Variants in C9orf57 observed in about 807,000 individuals in gnomAD.
C9orf57 encodes the protein uncharacterized protein C9orf57.
In C9orf57, 12 loss-of-function variants were observed where a neutral mutation model predicts 12.9. That is an observed-to-expected ratio of 0.93 (90% CI 0.60 to 1.51). The LOEUF is 1.51. Ranked by LOEUF, C9orf57 falls within the 40% of genes most tolerant of loss-of-function variation. The probability of loss-of-function intolerance (pLI) is 0.00; values close to 1 mark genes in which losing one functional copy is unlikely to be tolerated. For synonymous variants in C9orf57, 49 were observed against 57.1 expected (o/e 0.86, Z 0.64); for missense variants, 141 against 162.8 (o/e 0.87, Z 0.73).
At chr9:72,060,469 T>C in intron 1 of C9orf57, 28 bp downstream of exon 1, 3 of 1,094,968 alleles carry the variant, frequency 2.7e-6, no homozygotes, top group Non-Finnish European at 4.1e-6. Context: ...TTGGGTAAAG[T>C]ATAATATTTC....
At chr9:72,059,518 T>G in intron 1 of C9orf57, 134 bp from the exon 2 acceptor site, 1 of 1,152,504 alleles carries the variant, frequency 8.7e-7, no homozygotes, top group Non-Finnish European at 1.2e-6. Context: ...GGTACCTGTC[T>G]TTATAAAAAA....
chr9:72,060,319 A>G (rs1450750989), intron 1 of C9orf57, among the ~76,000 whole-genome samples, 178 bp downstream of exon 1: 1 of 152,246 alleles, frequency 6.6e-6, no homozygotes, highest in Non-Finnish European at 1.5e-5. Flanking sequence ...TGCTGGGATT[A>G]CAGGCGTGAG....
chr9:72,060,579 G>A lies in C9orf57; in HGVS notation c.-136C>T, dbSNP rs926946805. 1.9e-6 allele frequency: 3 copies of A among 1,540,170 alleles called. No homozygotes were observed. The highest frequency in any genetic ancestry group is 1.4e-5 in the African/African-American group (1 of 72,740). ...GATGAGAACGAGTACAATTTGTGAT[G>A]TGATGAAGTCCGTTACAACTGAAAG... is the stretch of plus-strand genomic sequence containing the variant. On this transcript the variant is annotated 5_prime_UTR_variant, in exon 1 of 5. Coordinates refer to ENST00000651200, the MANE Select transcript of C9orf57 (RefSeq NM_001128618.2).
chr9:72,060,563 G>A lies in C9orf57; in HGVS notation c.-120C>T, dbSNP rs543337024. The A allele has an allele frequency of 3.8e-5, 58 of 1,545,618 alleles. No homozygotes were observed. The highest frequency in any genetic ancestry group is 4.4e-5 in the Non-Finnish European group (50 of 1,143,422). On this transcript the variant is annotated 5_prime_UTR_variant, in exon 1 of 5. Transcript: ENST00000651200. ...TGAACTTTCTTAAAAGGATGAGAAC[G>A]AGTACAATTTGTGATGTGATGAAGT...
chr9:72,059,454 T>C lies in C9orf57; in HGVS notation c.-53-70A>G, dbSNP rs900575145. The C allele has an allele frequency of 9.6e-6, 14 of 1,461,570 alleles. No individual in the cohort carries two copies. In the African/African-American group the frequency reaches 1.7e-4, roughly 18 times the overall value. 90.5% of individuals were successfully genotyped at this position (1,461,570 alleles called of 1,614,324 possible). A position where few individuals can be genotyped will look rare whatever the true frequency, so the allele number is the denominator to read the frequency against. On this transcript the variant is annotated intron_variant, in intron 1 of 4. Transcript: ENST00000651200. ...AACGGAAAGGACTGGTTAAGTTTTA[T>C]TGATTTCATTAAGACAATATAAATA...
chr9:72,057,567 G>A (rs569305567), intron 2 of C9orf57, among the ~76,000 whole-genome samples: 17 of 152,208 alleles, frequency 1.1e-4, no homozygotes, highest in African/African-American at 3.6e-4. Flanking sequence ...GGGAAATTTC[G>A]AAGCGTATGC....
Position 72,052,248 on chromosome 9 carries a change from C to T in C9orf57, c.*48G>A. On this transcript the variant is annotated 3_prime_UTR_variant, in exon 5 of 5. Coordinates refer to ENST00000651200, the MANE Select transcript of C9orf57 (RefSeq NM_001128618.2). ...ATCATTTTGTGATAGCCAGGTCAGG[C>T]TTCGAGACTGATTGATCTGCCAAGC... 1 of 1,542,550 alleles carries T rather than the reference C, an allele frequency of 6.5e-7. No homozygotes were observed. The highest frequency in any genetic ancestry group is 2.4e-5 in the East Asian group (1 of 40,846).
rs188722460 is a variant in C9orf57 at position 72,054,837 on chromosome 9, T to G, written c.280+1237A>C. Among the ~76,000 whole-genome samples, 8 of 151,692 alleles carry G rather than the reference T, an allele frequency of 5.3e-5. No homozygotes were observed. The East Asian group carries it at 1.5e-3, about 29-fold the overall frequency. ...CCTTATCTTTTACATTTTGGAATTATCACACATTTTATAAATGTTAAACTC... is the reference window on the plus strand; with the variant it reads ...CCTTATCTTTTACATTTTGGAATTAGCACACATTTTATAAATGTTAAACTC... On this transcript the variant is annotated intron_variant, in intron 4 of 4. Coordinates refer to ENST00000651200, the MANE Select transcript of C9orf57 (RefSeq NM_001128618.2).
intron 4 of C9orf57, among the ~76,000 whole-genome samples, chr9:72,053,517 G>A (rs976847028): frequency 6.6e-6 from 1 of 152,142 alleles, no homozygotes; most frequent in Non-Finnish European, 1.5e-5. Context: ...CTGGCTAGAT[G>A]ACTCTCTGGC....
At chr9:72,053,481 A>G (rs1024356945) in intron 4 of C9orf57, among the ~76,000 whole-genome samples, 4 of 152,142 alleles carry the variant, frequency 2.6e-5, no homozygotes, top group African/African-American at 9.7e-5. Context: ...TACATAGAGT[A>G]TTTTAATCCT....
At position 72,056,135 on chromosome 9, in the gene C9orf57, TA is replaced by T. The variant is rs747091964; in HGVS notation, c.218del (p.Leu73Ter). On this transcript the variant is annotated frameshift_variant, in exon 4 of 5. Transcript: ENST00000651200. LOFTEE classifies it high-confidence loss of function. ...NLSLPFHGCL[L>X]DLGTCQAEPG... The stretch of plus-strand genomic sequence containing the variant: ...GTTCTGCCTGGCAGGTTCCCAGGTC[TA>T]AAAGACATCCATGGAAGGGCAGTGA... The T allele has an allele frequency of 2.1e-5, 32 of 1,551,066 alleles. No homozygotes were observed. In the East Asian group the frequency reaches 7.1e-4, roughly 34 times the overall value.
chr9:72,052,098 C>A lies in C9orf57; in HGVS notation c.*198G>T. 1 of 545,366 alleles carries A rather than the reference C, an allele frequency of 1.8e-6. No homozygotes were observed. The highest frequency in any genetic ancestry group is 2.5e-5 in the South Asian group (1 of 39,362). 33.8% of individuals were successfully genotyped at this position (545,366 alleles called of 1,614,324 possible). On this transcript the variant is annotated 3_prime_UTR_variant, in exon 5 of 5. Coordinates refer to ENST00000651200, the MANE Select transcript of C9orf57 (RefSeq NM_001128618.2). ...AGAAATGGTGTTGAAAGGGCTATTT[C>A]TCAGATGAGTTGGAGGTGGTGGGGG...
At chr9:72,056,307 T>C (rs984516978) in intron 3 of C9orf57, 111 bp from the exon 4 acceptor site, 16 of 455,124 alleles carry the variant, frequency 3.5e-5, no homozygotes, top group Non-Finnish European at 5.3e-5. Flanking sequence ...TTTATATATA[T>C]ATATTTATGT....
rs556767413 is a variant in C9orf57 at position 72,055,007 on chromosome 9, C to T, written c.280+1067G>A. Among the ~76,000 whole-genome samples, 7 of 150,206 alleles carry T rather than the reference C, an allele frequency of 4.7e-5. No homozygotes were observed. In the South Asian group the frequency reaches 1.5e-3, roughly 32 times the overall value. On this transcript the variant is annotated intron_variant, in intron 4 of 4. Transcript: ENST00000651200. Reference sequence around the variant, plus strand: ...CAATCTCGGCTCCCTGCAGCCTCCGCCTCCTGGGCTCAAGCAAGTTTCCTG... The same window carrying T: ...CAATCTCGGCTCCCTGCAGCCTCCGTCTCCTGGGCTCAAGCAAGTTTCCTG...
intron 3 of C9orf57, 120 bp from the exon 4 acceptor site, chr9:72,056,316 G>C: frequency 2.6e-6 from 1 of 391,818 alleles, no homozygotes; most frequent in African/African-American, 2.2e-5. Flanking sequence ...ATATATTTAT[G>C]TTATATATAT....
intron 1 of C9orf57, among the ~76,000 whole-genome samples, 181 bp downstream of exon 1, chr9:72,060,316 A>AT (rs1196271558): frequency 6.6e-6 from 1 of 152,228 alleles, no homozygotes; most frequent in Non-Finnish European, 1.5e-5. Flanking sequence ...AAGTGCTGGG[A>AT]TTACAGGCGT....
At chr9:72,055,898 T>C (rs1195281042) in intron 4 of C9orf57, among the ~76,000 whole-genome samples, 176 bp downstream of exon 4, 1 of 152,168 alleles carries the variant, frequency 6.6e-6, no homozygotes, top group African/African-American at 2.4e-5. Context: ...GTCTCAGCTA[T>C]CTCATCTTTA....
intron 4 of C9orf57, among the ~76,000 whole-genome samples, chr9:72,053,783 C>A (rs1204706923): frequency 6.6e-6 from 1 of 152,172 alleles, no homozygotes; most frequent in Non-Finnish European, 1.5e-5. Context: ...TCCAATTCCA[C>A]AGAAAAATTT....
At chr9:72,056,762 T>A (rs762221670) in intron 3 of C9orf57, 22 bp downstream of exon 3, 7 of 1,545,004 alleles carry the variant, frequency 4.5e-6, no homozygotes, top group South Asian at 3.6e-5. Flanking sequence ...TTAATTAAAA[T>A]TTTTAAAGTG....
Sources: gnomAD v4.1 joint callset for allele counts (sites outside exome capture counted in the v4.1 genomes callset) on GRCh38, gnomAD v4.1.1 for gene constraint, MANE v1.5 for transcripts, NCBI Gene and HGNC (gene_info 2026-07-23, HGNC 2026-07-21) for gene names.